MTA3: variants seen among roughly 807,000 people sequenced by gnomAD.
MTA3 encodes the protein metastasis associated 1 family member 3, also known as metastasis-associated protein MTA3.
A neutral mutation model predicts 83.5 loss-of-function variants in MTA3; 34 were observed. That is an observed-to-expected ratio of 0.41 (90% confidence interval 0.31 to 0.54). The LOEUF (loss-of-function observed/expected upper bound fraction) is 0.54. MTA3 is among the 20% of genes least tolerant of loss of function. The pLI is 0.33. For missense variants in MTA3, 761 were observed against 726.4 expected (o/e 1.05, Z -0.55); for synonymous variants, 303 against 252.7 (o/e 1.20, Z -1.89).
At chr2:42,734,219 G>T (rs1031408178) in intron 16 of MTA3, among the ~76,000 whole-genome samples, 2 of 152,020 alleles carry the variant, frequency 1.3e-5, no homozygotes, top group Non-Finnish European at 2.9e-5. Flanking sequence ...CCAGTGCTTG[G>T]TGCATATATA....
chr2:42,622,425 A>T (rs1260795027), intron 4 of MTA3, among the ~76,000 whole-genome samples: 36 of 49,742 alleles, frequency 7.2e-4, no homozygotes, highest in Non-Finnish European at 1.3e-3. Flanking sequence ...GTAGAGGGGG[A>T]GGGGGAGGGA....
In MTA3 at chr2:42,517,314, C is replaced by T. The variant is rs1187258021; in HGVS notation, c.-141+22060C>T. The stretch of plus-strand genomic sequence containing the variant: ...AGGCTGGGTGCAGTGGCTCACACCC[C>T]TAATCCCAGCACTTTGGGAGGCCGA... On this transcript the variant is annotated intron_variant, in intron 2 of 17. Coordinates refer to the MTA3 transcript ENST00000405592. Among the ~76,000 whole-genome samples, 6 of 143,014 alleles carry T rather than the reference C, an allele frequency of 4.2e-5. No individual in the cohort carries two copies. The East Asian group carries it at 1.3e-3, about 30-fold the overall frequency. 93.8% of individuals were successfully genotyped at this position (143,014 alleles called of 152,430 possible). A position where few individuals can be genotyped will look rare whatever the true frequency, so the allele number is the denominator to read the frequency against.
At chr2:42,585,229 C>A (rs1680130877) in intron 3 of MTA3, among the ~76,000 whole-genome samples, 4 of 151,964 alleles carry the variant, frequency 2.6e-5, no homozygotes, top group Admixed American at 1.3e-4. Flanking sequence ...GCTGGGATTA[C>A]AGGCATGTGC....
At chr2:42,730,733 A>G (rs1668178396) in intron 16 of MTA3, among the ~76,000 whole-genome samples, 1 of 152,160 alleles carries the variant, frequency 6.6e-6, no homozygotes, top group African/African-American at 2.4e-5. Context: ...GAATTTGGAA[A>G]TATTTCTTTC....
At position 42,534,464 on chromosome 2, in the gene MTA3, G is replaced by C. The variant is rs557433806; in HGVS notation, c.-140-35973G>C. Among the ~76,000 whole-genome samples, 88 of 152,272 alleles carry C rather than the reference G, an allele frequency of 5.8e-4. 2 individuals carry two copies. The highest frequency in any genetic ancestry group is 5.4e-3 in the Admixed American group (82 of 15,284). On this transcript the variant is annotated intron_variant, in intron 2 of 17. Transcript: ENST00000405592. ...TACAAAAAATTAGCCAGGAGTGGTG[G>C]TGAGCACCTGTAGTTCCAGCTATTC...
At chr2:42,640,112 C>G in intron 4 of MTA3, 61 bp from the exon 5 acceptor site, 1 of 1,200,972 alleles carries the variant, frequency 8.3e-7, no homozygotes, top group Admixed American at 2.1e-5. Context: ...CTTTGTATTT[C>G]TCATCACTGA....
chr2:42,638,141 AG>A (rs887605909), intron 4 of MTA3, among the ~76,000 whole-genome samples: 1 of 152,106 alleles, frequency 6.6e-6, no homozygotes, highest in Non-Finnish European at 1.5e-5. Context: ...TTTTTTAAAA[AG>A]GGGGATTTTT....
intron 12 of MTA3, among the ~76,000 whole-genome samples, chr2:42,705,330 T>C (rs1297993995): frequency 6.6e-6 from 1 of 152,246 alleles, no homozygotes; most frequent in Non-Finnish European, 1.5e-5. Context: ...TTGGGAATTC[T>C]TGGATTTTGT....
intron 8 of MTA3, among the ~76,000 whole-genome samples, chr2:42,660,906 C>T (rs559056573): frequency 2.0e-5 from 3 of 152,264 alleles, no homozygotes; most frequent in South Asian, 4.1e-4. Flanking sequence ...GTCTTGAACT[C>T]CTCCTGGCTT....
intron 2 of MTA3, among the ~76,000 whole-genome samples, chr2:42,557,236 G>A (rs532023309): frequency 4.8e-4 from 73 of 151,724 alleles, no homozygotes; most frequent in Middle Eastern, 6.8e-3. Context: ...CCGAGATCGC[G>A]CCACTGCACT....
At chr2:42,549,402 C>A (rs865964994) in intron 2 of MTA3, among the ~76,000 whole-genome samples, 1 of 110,720 alleles carries the variant, frequency 9.0e-6, no homozygotes, top group Non-Finnish European at 1.7e-5. Flanking sequence ...ATTATATATA[C>A]GTATATAATA....
intron 3 of MTA3, among the ~76,000 whole-genome samples, chr2:42,596,251 C>G (rs552039891): frequency 1.3e-5 from 2 of 152,218 alleles, no homozygotes; most frequent in Non-Finnish European, 2.9e-5. Context: ...CTGCTACTCT[C>G]CTTTTGCAGC....
rs140792744 is a variant in MTA3, at chr2:42,662,664, C to G, written c.702+2802C>G. Among the ~76,000 whole-genome samples, 293 of 151,280 alleles carry G rather than the reference C, an allele frequency of 1.9e-3. 2 individuals carry two copies. The highest frequency in any genetic ancestry group is 6.8e-3 in the African/African-American group (279 of 41,290). ...TTTTGATAACTAAGTCTTATGTGAA[C>G]TTTCTTTTTAACTGTTTTAAATGAC... On this transcript the variant is annotated intron_variant, in intron 8 of 16. Coordinates refer to ENST00000405094, the MANE Select transcript of MTA3 (RefSeq NM_001330442.2).
chr2:42,662,664 CTTTCTT>C (rs1354453035), intron 8 of MTA3, among the ~76,000 whole-genome samples: 1 of 151,192 alleles, frequency 6.6e-6, no homozygotes, highest in Non-Finnish European at 1.5e-5. Context: ...CTTATGTGAA[CTTTCTT>C]TTTAACTGTT....
intron 9 of MTA3, among the ~76,000 whole-genome samples, chr2:42,686,382 A>G (rs1443407455): frequency 1.4e-4 from 21 of 152,210 alleles, no homozygotes; most frequent in Admixed American, 1.4e-3. Flanking sequence ...TTATAAATGC[A>G]TACTCCCATA....
At chr2:42,623,697 AT>A (rs35112138) in intron 4 of MTA3, among the ~76,000 whole-genome samples, 181 of 128,144 alleles carry the variant, frequency 1.4e-3, no homozygotes, top group Middle Eastern at 4.0e-3. Context: ...GGTAGTTCAG[AT>A]TTTTTTTTTT....
chr2:42,615,507 C>T (rs1226639779), intron 4 of MTA3, among the ~76,000 whole-genome samples: 1 of 151,542 alleles, frequency 6.6e-6, no homozygotes, highest in African/African-American at 2.4e-5. Context: ...AGGCATGCGC[C>T]AGCGTGCTCA....
chr2:42,586,578 ACACACACACACACACACACACACACAC>A (rs1680347025), intron 3 of MTA3, among the ~76,000 whole-genome samples: 1 of 10,262 alleles, frequency 9.7e-5, no homozygotes, highest in Non-Finnish European at 1.7e-4. Context: ...ACACACACAC[ACACACACACACACACACACACACACAC>A]ACACACACAC....
rs145198137 is a variant in MTA3, at chr2:42,625,672, G to A, written c.318-14501G>A. Among the ~76,000 whole-genome samples the A allele has an allele frequency of 3.5e-3, 516 of 148,834 alleles. 6 individuals carry two copies. Among genetic ancestry groups the A allele is most frequent in the African/African-American group, 0.011 (456 of 39,772 alleles). The stretch of plus-strand genomic sequence containing the variant: ...TGAGGTAGGAGAATGTCGTGAACCC[G>A]GGAGGCGGAGGTTGCAGTGAACCGA... On this transcript the variant is annotated intron_variant, in intron 4 of 16. Coordinates refer to ENST00000405094, the MANE Select transcript of MTA3 (RefSeq NM_001330442.2).
Sources: allele counts gnomAD v4.1 joint callset (sites outside exome capture counted in the v4.1 genomes callset), GRCh38; gene constraint gnomAD v4.1.1; transcripts MANE v1.5; gene names NCBI Gene and HGNC (gene_info 2026-07-23, HGNC 2026-07-21).